Variants in LDAH observed in about 807,000 individuals in gnomAD.
LDAH encodes the protein lipid droplet associated hydrolase, also known as lipid droplet-associated hydrolase.
A neutral mutation model predicts 29.6 loss-of-function variants in LDAH; 26 were observed. That is an observed-to-expected ratio of 0.88 (90% CI 0.64 to 1.22). The LOEUF (loss-of-function observed/expected upper bound fraction) is 1.22. Ranked by LOEUF, LDAH falls within the 50% of genes most tolerant of loss-of-function variation. The pLI, the probability that LDAH is intolerant of heterozygous loss-of-function variation, is 0.00. For missense variants in LDAH, 344 were observed against 387.3 expected (o/e 0.89, Z 0.94); for synonymous variants, 117 against 133.0 (o/e 0.88, Z 0.83).
At chr2:20,769,329 G>A (rs553001310) in intron 4 of LDAH, among the ~76,000 whole-genome samples, 7 of 152,180 alleles carry the variant, frequency 4.6e-5, no homozygotes, top group Admixed American at 2.0e-4. Context: ...TTTGCCTTCC[G>A]TGTCTTGTCA....
At position 20,685,617 on chromosome 2, in the gene LDAH, T is replaced by C. The variant is rs550391470; in HGVS notation, c.*1286A>G. The C allele has an allele frequency of 6.5e-7, 1 of 1,550,358 alleles. No individual in the cohort carries two copies. The highest frequency in any genetic ancestry group is 8.7e-7 in the Non-Finnish European group (1 of 1,146,974). On this transcript the variant is annotated 3_prime_UTR_variant, in exon 7 of 7. Transcript: ENST00000237822. The stretch of plus-strand genomic sequence containing the variant: ...TTTAGGATTTGAGCGGAGGGACATC[T>C]CATTGTCCTTAGGGAATGATAATGC...
At chr2:20,704,421 G>T (rs1382310374) in intron 5 of LDAH, among the ~76,000 whole-genome samples, 3 of 152,088 alleles carry the variant, frequency 2.0e-5, no homozygotes, top group African/African-American at 7.2e-5. Flanking sequence ...CTAAATTAAA[G>T]CAACAGAGAT....
chr2:20,683,725 A>G (rs1662378554), downstream of LDAH, among the ~76,000 whole-genome samples: 1 of 152,208 alleles, frequency 6.6e-6, no homozygotes, highest in Non-Finnish European at 1.5e-5. Flanking sequence ...CTGCTACACT[A>G]AAGAGAAGAG....
intron 2 of LDAH, among the ~76,000 whole-genome samples, chr2:20,799,127 T>C (rs778757038): frequency 1.3e-5 from 2 of 150,464 alleles, no homozygotes; most frequent in Admixed American, 6.6e-5. Flanking sequence ...CTGATGAGGC[T>C]GATACAGGAG....
intron 4 of LDAH, among the ~76,000 whole-genome samples, chr2:20,750,046 A>G (rs925962044): frequency 7.4e-5 from 10 of 135,828 alleles, no homozygotes; most frequent in Non-Finnish European, 1.4e-4. Context: ...TTTTTTTTGA[A>G]ACAAAGTCTC....
chr2:20,793,426 A>G lies in LDAH; in HGVS notation c.155-3028T>C, dbSNP rs114131511. Among the ~76,000 whole-genome samples the G allele has an allele frequency of 7.9e-3, 1,197 of 152,292 alleles. 19 individuals are homozygous for G. The highest frequency in any genetic ancestry group is 0.027 in the African/African-American group (1,130 of 41,556). On this transcript the variant is annotated intron_variant, in intron 2 of 6. Transcript: ENST00000237822. ...TAAAGATCTTAGCTCTTGAAGAGCTAATTCAAAGGCCCTCAAGAAATAAAG... is the reference window on the plus strand; with the variant it reads ...TAAAGATCTTAGCTCTTGAAGAGCTGATTCAAAGGCCCTCAAGAAATAAAG...
chr2:20,752,040 C>T (rs1056584476), intron 4 of LDAH, among the ~76,000 whole-genome samples: 6 of 152,042 alleles, frequency 3.9e-5, no homozygotes, highest in Admixed American at 6.6e-5. Flanking sequence ...TACAGGTGTG[C>T]GCCACCACAC....
intron 5 of LDAH, among the ~76,000 whole-genome samples, chr2:20,727,098 C>A (rs1190183897): frequency 6.6e-6 from 1 of 152,092 alleles, no homozygotes; most frequent in African/African-American, 2.4e-5. Flanking sequence ...GCAGCTGGGG[C>A]CGGGCATGAC....
At chr2:20,694,412 T>C (rs1008741772) in intron 6 of LDAH, among the ~76,000 whole-genome samples, 1 of 152,214 alleles carries the variant, frequency 6.6e-6, no homozygotes, top group Non-Finnish European at 1.5e-5. Flanking sequence ...CTTATCCCTG[T>C]TGGGGACACA....
Position 20,685,681 on chromosome 2 carries a change from G to T in LDAH, c.*1222C>A. ...CTCTAGGAGAAAAAGGAATATTTCT[G>T]ATCCATGATCAACTGTCACTGCAGT... On this transcript the variant is annotated 3_prime_UTR_variant, in exon 7 of 7. Transcript: ENST00000237822. 6.5e-7 allele frequency: 1 copy of T among 1,545,648 alleles called. No homozygotes were observed. Among genetic ancestry groups the T allele is most frequent in the South Asian group, 1.2e-5 (1 of 83,502 alleles).
downstream of LDAH, chr2:20,683,879 G>C (rs1445316052): frequency 7.5e-6 from 1 of 133,426 alleles, no homozygotes; most frequent in Admixed American, 7.3e-5. Flanking sequence ...TGAGGAGCTG[G>C]GGGACTCAGG....
intron 6 of LDAH, among the ~76,000 whole-genome samples, chr2:20,690,215 G>C (rs1662900512): frequency 6.6e-6 from 1 of 152,158 alleles, no homozygotes; most frequent in Admixed American, 6.5e-5. Context: ...ACCCACCTCA[G>C]GGTATCAAGA....
At chr2:20,760,410 C>T (rs564191134) in intron 4 of LDAH, among the ~76,000 whole-genome samples, 32 of 152,178 alleles carry the variant, frequency 2.1e-4, no homozygotes, top group Non-Finnish European at 4.0e-4. Context: ...TAGAACAATA[C>T]GAACTTGATA....
At chr2:20,807,790 C>G (rs1389851308) in intron 1 of LDAH, among the ~76,000 whole-genome samples, 1 of 151,482 alleles carries the variant, frequency 6.6e-6, no homozygotes, top group East Asian at 1.9e-4. Context: ...AGTTTGGGAT[C>G]AAGATATGGA....
rs531308780 is a variant in LDAH at position 20,718,663 on chromosome 2, G to A, written c.704-17011C>T. Among the ~76,000 whole-genome samples the A allele has an allele frequency of 1.0e-3, 157 of 152,174 alleles. 1 individual carries two copies. Among genetic ancestry groups the A allele is most frequent in the African/African-American group, 3.7e-3 (153 of 41,530 alleles). ...AGTTAAACTATACTCTAGACCAAATGGACCTAACAGACATTTATGAGCATT... is the reference window on the plus strand; with the variant it reads ...AGTTAAACTATACTCTAGACCAAATAGACCTAACAGACATTTATGAGCATT... On this transcript the variant is annotated intron_variant, in intron 5 of 6. Coordinates refer to ENST00000237822, the MANE Select transcript of LDAH (RefSeq NM_021925.4).
chr2:20,782,663 A>G (rs1670274616), intron 3 of LDAH, among the ~76,000 whole-genome samples: 1 of 152,132 alleles, frequency 6.6e-6, no homozygotes, highest in African/African-American at 2.4e-5. Flanking sequence ...ATCAGCAGCA[A>G]TGAATCTTCT....
At chr2:20,723,311 GAGTA>G (rs1049117604) in intron 5 of LDAH, among the ~76,000 whole-genome samples, 10 of 152,132 alleles carry the variant, frequency 6.6e-5, no homozygotes, top group African/African-American at 2.4e-4. Flanking sequence ...TGGGAAAATG[GAGTA>G]AGTGAGATGG....
Position 20,709,208 on chromosome 2 carries a change from C to T in LDAH, c.704-7556G>A, listed in dbSNP as rs137935740. ...AAAATTAAAAATATTGTGCAGTTACCTTCAGGCTATGTGTATGAGGTGTAT... is the reference window on the plus strand; with the variant it reads ...AAAATTAAAAATATTGTGCAGTTACTTTCAGGCTATGTGTATGAGGTGTAT... On this transcript the variant is annotated intron_variant, in intron 5 of 6. Coordinates refer to ENST00000237822, the MANE Select transcript of LDAH (RefSeq NM_021925.4). Among the ~76,000 whole-genome samples the T allele has an allele frequency of 5.2e-3, 786 of 152,186 alleles. 9 individuals carry two copies. The highest frequency in any genetic ancestry group is 0.017 in the African/African-American group (690 of 41,532).
At chr2:20,693,070 G>C (rs1012827799) in intron 6 of LDAH, among the ~76,000 whole-genome samples, 1 of 152,192 alleles carries the variant, frequency 6.6e-6, no homozygotes, top group Non-Finnish European at 1.5e-5. Flanking sequence ...TTGGTGCTGT[G>C]AGCCTGGACC....
Sources: allele counts gnomAD v4.1 joint callset (sites outside exome capture counted in the v4.1 genomes callset), GRCh38; gene constraint gnomAD v4.1.1; transcripts MANE v1.5; gene names NCBI Gene and HGNC (gene_info 2026-07-23, HGNC 2026-07-21).